Variants in LY96 observed in about 807,000 individuals in gnomAD.
The protein encoded by LY96 is myeloid differentiation protein-2.
Under a neutral mutation model 18.9 loss-of-function variants are expected in LY96, and 18 were observed. That is an observed-to-expected ratio of 0.95 (90% confidence interval 0.66 to 1.41). The LOEUF is 1.41. LY96 is among the 40% of genes most tolerant of loss of function. The pLI is 0.00. For synonymous variants in LY96, 66 were observed against 62.6 expected, an observed-to-expected ratio of 1.06 and a Z score of -0.26; for missense variants, 175 against 182.4, an observed-to-expected ratio of 0.96 and a Z score of 0.23.
At chr8:74,039,524 G>T in the LY96 span, among the ~76,000 whole-genome samples, 1 of 152,184 alleles carries the variant, frequency 6.6e-6, no homozygotes, top group African/African-American at 2.4e-5. Context: ...GAGACTGGTA[G>T]TGGCTCTGAA....
the LY96 span, among the ~76,000 whole-genome samples, chr8:74,084,299 C>T: frequency 5.3e-5 from 8 of 152,082 alleles, no homozygotes; most frequent in Admixed American, 6.6e-5. Context: ...TCCTGATGCA[C>T]GGATTAACTC....
chr8:74,089,077 T>C, the LY96 span, among the ~76,000 whole-genome samples: 6 of 152,274 alleles, frequency 3.9e-5, no homozygotes, highest in Non-Finnish European at 7.4e-5. Context: ...CCTGACTTCC[T>C]AGCAGGATAG....
chr8:74,091,132 G>A, the LY96 span, among the ~76,000 whole-genome samples: 3 of 152,154 alleles, frequency 2.0e-5, no homozygotes, highest in Non-Finnish European at 4.4e-5. Flanking sequence ...GGGTATACGA[G>A]GAGAAAGTGA....
At chr8:74,080,048 A>G in the LY96 span, among the ~76,000 whole-genome samples, 2 of 152,184 alleles carry the variant, frequency 1.3e-5, no homozygotes, top group Non-Finnish European at 2.9e-5. Flanking sequence ...ATCATTTGCA[A>G]TGAAAAGAGC....
intron 3 of LY96, among the ~76,000 whole-genome samples, chr8:74,021,629 T>C (rs2131280305): frequency 6.6e-6 from 1 of 152,314 alleles, no homozygotes; most frequent in East Asian, 1.9e-4. Context: ...CACGTATGTT[T>C]ATTGCAGCAC....
At chr8:74,028,213 A>C (rs560071007) in intron 4 of LY96, among the ~76,000 whole-genome samples, 6 of 152,352 alleles carry the variant, frequency 3.9e-5, no homozygotes, top group Admixed American at 3.9e-4. Context: ...CTGGGATTAT[A>C]GGTGTGAGCC....
At chr8:74,053,174 C>T in the LY96 span, among the ~76,000 whole-genome samples, 1 of 152,176 alleles carries the variant, frequency 6.6e-6, no homozygotes, top group Non-Finnish European at 1.5e-5. Flanking sequence ...CCTGACTCCT[C>T]CTCTACTCCA....
chr8:74,081,044 TTCTTTTTC>T, the LY96 span, among the ~76,000 whole-genome samples: 21 of 119,460 alleles, frequency 1.8e-4, no homozygotes, highest in South Asian at 4.6e-4. Context: ...CTTTCTTTCT[TTCTTTTTC>T]TTTCTTTCTT....
chr8:74,043,513 CT>C, the LY96 span, among the ~76,000 whole-genome samples: 1 of 152,122 alleles, frequency 6.6e-6, no homozygotes, highest in African/African-American at 2.4e-5. Context: ...TGCCAGTGGT[CT>C]TTTTGCAGGT....
At chr8:74,037,885 C>G in the LY96 span, among the ~76,000 whole-genome samples, 1 of 152,196 alleles carries the variant, frequency 6.6e-6, no homozygotes, top group African/African-American at 2.4e-5. Flanking sequence ...CCATTCCCTT[C>G]TGAGTTTTCC....
chr8:74,036,692 G>C, the LY96 span, among the ~76,000 whole-genome samples: 2 of 152,200 alleles, frequency 1.3e-5, no homozygotes, highest in Non-Finnish European at 2.9e-5. Context: ...AGACTGATTT[G>C]AGTGGTAACT....
intron 3 of LY96, among the ~76,000 whole-genome samples, chr8:74,022,672 A>C (rs1388966996): frequency 6.9e-6 from 1 of 145,716 alleles, no homozygotes; most frequent in African/African-American, 2.6e-5. Flanking sequence ...TCTGCCTCCC[A>C]GGTTCAAAAG....
rs183911220 is a variant in LY96 at position 73,995,290 on chromosome 8, C to G, written c.112+3736C>G. Among the ~76,000 whole-genome samples, 604 of 152,300 alleles carry G rather than the reference C, an allele frequency of 4.0e-3. 4 individuals carry two copies. Among genetic ancestry groups the G allele is most frequent in the African/African-American group, 0.014 (581 of 41,548 alleles). On this transcript the variant is annotated intron_variant, in intron 1 of 4. Coordinates refer to ENST00000284818, the MANE Select transcript of LY96 (RefSeq NM_015364.5). ...TATTAAGTACCCAGACACCAATAATCTGTTATAGCAGCACAAAGTGGACTA... is the reference window on the plus strand; with the variant it reads ...TATTAAGTACCCAGACACCAATAATGTGTTATAGCAGCACAAAGTGGACTA...
chr8:74,012,183 C>A (rs1273982493), intron 3 of LY96, among the ~76,000 whole-genome samples: 1 of 152,154 alleles, frequency 6.6e-6, no homozygotes, highest in Non-Finnish European at 1.5e-5. Flanking sequence ...AATTTCACTA[C>A]TAGGTATCTA....
chr8:74,009,126 G>A (rs1318675336), intron 2 of LY96, among the ~76,000 whole-genome samples: 2 of 151,588 alleles, frequency 1.3e-5, no homozygotes, highest in African/African-American at 4.8e-5. Context: ...GCCAGGCATG[G>A]TGGCTCATGC....
the LY96 span, among the ~76,000 whole-genome samples, chr8:74,068,767 T>C: frequency 6.6e-6 from 1 of 152,232 alleles, no homozygotes; most frequent in Non-Finnish European, 1.5e-5. Flanking sequence ...TCTTTTGCCT[T>C]TAAAAAATTG....
the LY96 span, among the ~76,000 whole-genome samples, chr8:74,080,178 C>G: frequency 1.6e-3 from 238 of 152,284 alleles, 2 homozygotes; most frequent in African/African-American, 5.1e-3. Flanking sequence ...GCTGAGGCTT[C>G]CCAAGCAGCA....
intron 1 of LY96, among the ~76,000 whole-genome samples, chr8:74,002,198 G>A (rs1413155724): frequency 2.7e-5 from 4 of 148,410 alleles, no homozygotes; most frequent in African/African-American, 5.0e-5. Flanking sequence ...GTGCAGTGGC[G>A]TGATCTCAGC....
chr8:74,041,938 C>T, the LY96 span, among the ~76,000 whole-genome samples: 1 of 152,278 alleles, frequency 6.6e-6, no homozygotes, highest in Admixed American at 6.5e-5. Flanking sequence ...CACCCCCTCC[C>T]CTTTTGAAAT....
Sources: gnomAD v4.1 joint callset for allele counts (sites outside exome capture counted in the v4.1 genomes callset) on GRCh38, gnomAD v4.1.1 for gene constraint, MANE v1.5 for transcripts, NCBI Gene and HGNC (gene_info 2026-07-23, HGNC 2026-07-21) for gene names.